NSD2: variants seen among roughly 807,000 people sequenced by gnomAD.
NSD2 encodes the protein nuclear receptor binding SET domain protein 2.
Under a neutral mutation model 139.0 loss-of-function variants are expected in NSD2, and 12 were observed. The ratio of observed to expected loss-of-function variants is 0.09; its 90% confidence interval spans 0.06 to 0.14. The LOEUF (loss-of-function observed/expected upper bound fraction) is 0.14. NSD2 is among the 10% of genes least tolerant of loss of function. NSD2 has a pLI of 1.00. For missense variants in NSD2, 1,155 were observed against 1,745.0 expected (o/e 0.66, Z 6.02); for synonymous variants, 669 against 648.7 (o/e 1.03, Z -0.48).
chr4:1,909,096 T>C (rs10023086), intron 3 of NSD2, among the ~76,000 whole-genome samples: 9,714 of 152,198 alleles, frequency 0.064, 1,070 homozygotes, highest in African/African-American at 0.22. Flanking sequence ...ATATTTTAGT[T>C]CTTATTTTCT....
At chr4:1,977,645 A>G (rs549116786) in intron 21 of NSD2, among the ~76,000 whole-genome samples, 146 of 152,176 alleles carry the variant, frequency 9.6e-4, no homozygotes, top group African/African-American at 3.3e-3. Context: ...GTGTGGTGGC[A>G]TGCACCTGTA....
At chr4:1,930,152 C>T (rs897200248) in intron 5 of NSD2, among the ~76,000 whole-genome samples, 9 of 152,046 alleles carry the variant, frequency 5.9e-5, no homozygotes, top group Admixed American at 2.6e-4. Context: ...GAAGCCAGCT[C>T]GCACTCCTTG....
chr4:1,980,225 AGT>A lies in NSD2; in HGVS notation c.*1318_*1319del. The A allele has an allele frequency of 8.6e-6, 2 of 233,262 alleles. No homozygotes were observed. The highest frequency in any genetic ancestry group is 1.3e-3 in the Middle Eastern group (1 of 786). 14.4% of individuals were successfully genotyped at this position (233,262 alleles called of 1,614,324 possible). ...GTTTTTAAAAGGTCCAGTTCTACAG[AGT>A]GAGACCTATCTATCTGAGTACTACA... On this transcript the variant is annotated 3_prime_UTR_variant, in exon 22 of 22. Coordinates refer to ENST00000508803, the MANE Select transcript of NSD2 (RefSeq NM_001042424.3).
intron 18 of NSD2, among the ~76,000 whole-genome samples, chr4:1,962,103 C>T (rs1725428424): frequency 1.3e-5 from 2 of 152,316 alleles, no homozygotes; most frequent in East Asian, 3.9e-4. Flanking sequence ...AGAATGGTTC[C>T]AGGAACCTTG....
chr4:1,964,952 TAAATA>T (rs773530545), intron 18 of NSD2, among the ~76,000 whole-genome samples: 3 of 137,832 alleles, frequency 2.2e-5, no homozygotes, highest in Non-Finnish European at 4.6e-5. Context: ...ACAAGAACAA[TAAATA>T]AAAATAACAA....
intron 18 of NSD2, among the ~76,000 whole-genome samples, chr4:1,969,961 G>C (rs1726275397): frequency 6.6e-6 from 1 of 152,224 alleles, no homozygotes; most frequent in Non-Finnish European, 1.5e-5. Context: ...ACACACTAGA[G>C]AGTAGGAACC....
intron 1 of NSD2, among the ~76,000 whole-genome samples, chr4:1,878,813 C>A (rs1194181848): frequency 6.6e-6 from 1 of 152,138 alleles, no homozygotes; most frequent in African/African-American, 2.4e-5. Flanking sequence ...AGAACTGTGA[C>A]TTAACCAATG....
intron 18 of NSD2, among the ~76,000 whole-genome samples, chr4:1,961,713 C>A (rs1725389515): frequency 6.6e-6 from 1 of 152,206 alleles, no homozygotes; most frequent in South Asian, 2.1e-4. Flanking sequence ...GTGCTCAGCT[C>A]TGGGCCTGAT....
intron 18 of NSD2, among the ~76,000 whole-genome samples, chr4:1,967,119 A>T (rs2108996049): frequency 6.6e-6 from 1 of 152,396 alleles, no homozygotes; most frequent in East Asian, 1.9e-4. Context: ...ACAGAAATAA[A>T]AAAGGATTAT....
chr4:1,946,141 T>G, intron 9 of NSD2: 2 of 1,027,430 alleles, frequency 1.9e-6, no homozygotes, highest in Non-Finnish European at 2.3e-6. Context: ...AAAGCTAAAT[T>G]ATAGTCTTTT....
intron 1 of NSD2, among the ~76,000 whole-genome samples, chr4:1,894,768 A>G (rs1163063060): frequency 6.6e-6 from 1 of 152,092 alleles, no homozygotes; most frequent in Non-Finnish European, 1.5e-5. Context: ...AAGCTCCTTG[A>G]AGGTAGAGGA....
intron 1 of NSD2, among the ~76,000 whole-genome samples, chr4:1,900,248 A>G (rs1425382057): frequency 6.6e-6 from 1 of 152,192 alleles, no homozygotes; most frequent in Non-Finnish European, 1.5e-5. Context: ...CAGCTGCCTC[A>G]CACATATTAG....
At chr4:1,930,897 GC>G in intron 6 of NSD2, 127 bp downstream of exon 6, 2 of 1,240,606 alleles carry the variant, frequency 1.6e-6, no homozygotes, top group Non-Finnish European at 1.1e-6. Flanking sequence ...TGGGGTTTGG[GC>G]CAGCGGTCCA....
Position 1,900,661 on chromosome 4 carries a change from T to C in NSD2, c.7T>C (p.Phe3Leu). MEFSIKQSPLSVQ... is the reference protein window; with the variant it reads MELSIKQSPLSVQ... ...ACGGAAGCATCTGGGCTGGATGGAATTTAGCATCAAGCAGAGTCCCCTTTC... is the reference window on the plus strand; with the variant it reads ...ACGGAAGCATCTGGGCTGGATGGAACTTAGCATCAAGCAGAGTCCCCTTTC... Residue 3 changes from phenylalanine to leucine, a missense_variant, in exon 2 of 22, where the codon TTT becomes CTT. Transcript: ENST00000508803. The C allele has an allele frequency of 6.3e-7, 1 of 1,577,648 alleles. No individual in the cohort carries two copies. Among genetic ancestry groups the C allele is most frequent in the Non-Finnish European group, 8.6e-7 (1 of 1,160,614 alleles).
chr4:1,948,186 G>A lies in NSD2; in HGVS notation c.1882-2886G>A, dbSNP rs1302337115. 13 of 1,063,442 alleles carry A rather than the reference G, an allele frequency of 1.2e-5. No individual in the cohort carries two copies. Among genetic ancestry groups the A allele is most frequent in the South Asian group, 4.6e-5 (1 of 21,966 alleles). The allele number at this position is 1,063,442 out of a possible 1,614,324, so 65.9% of individuals were successfully genotyped here. On this transcript the variant is annotated intron_variant, in intron 9 of 21. Coordinates refer to ENST00000508803, the MANE Select transcript of NSD2 (RefSeq NM_001042424.3). The surrounding 1 kb of genome is among the most constrained non-coding windows in gnomAD (Gnocchi z 4.5). ...TGAAAAGTCAGGAGCTAAGCTGCTC[G>A]GAGCTCAGTGCCGCAGCATGGCTGT...
chr4:1,936,817 A>G (rs1722461909), intron 7 of NSD2, among the ~76,000 whole-genome samples: 1 of 152,216 alleles, frequency 6.6e-6, no homozygotes, highest in South Asian at 2.1e-4. Flanking sequence ...GCTAAGGTGT[A>G]AATATGTGGA....
At chr4:1,950,574 A>G (rs489015) in intron 9 of NSD2, among the ~76,000 whole-genome samples, 152,046 of 152,364 alleles carry the variant, frequency 1, 75,866 homozygotes, top group East Asian at 1. Context: ...GAAAGGACGC[A>G]TGGTCTCCAC....
At chr4:1,895,678 G>C (rs935640235) in intron 1 of NSD2, among the ~76,000 whole-genome samples, 5 of 152,138 alleles carry the variant, frequency 3.3e-5, no homozygotes, top group Non-Finnish European at 7.4e-5. Context: ...TTTACCTCAG[G>C]GGCATCTCTC....
intron 6 of NSD2, among the ~76,000 whole-genome samples, chr4:1,934,847 TAAAAAAAAAAAAAAAAAAA>T (rs34096276): frequency 4.8e-5 from 1 of 20,712 alleles, no homozygotes; most frequent in African/African-American, 1.9e-4. Flanking sequence ...GACTCCATCT[TAAAAAAAAAAAAAAAAAAA>T]AAAAAAAAAA....
Sources: allele counts gnomAD v4.1 joint callset (sites outside exome capture counted in the v4.1 genomes callset), GRCh38; gene constraint gnomAD v4.1.1; non-coding constraint Gnocchi (gnomAD v3.1); transcripts MANE v1.5; gene names NCBI Gene and HGNC (gene_info 2026-07-23, HGNC 2026-07-21).